The following TEF variants were observed in gnomAD, a reference collection of about 807,000 sequenced individuals.
TEF encodes TEF transcription factor, PAR bZIP family member.
A neutral mutation model predicts 20.8 loss-of-function variants in TEF; 3 were observed. That is an observed-to-expected ratio of 0.14 (90% confidence interval 0.07 to 0.37). The LOEUF is 0.37. Among genes scored for constraint, TEF ranks in the 10% least tolerant of loss-of-function variants. The probability of loss-of-function intolerance (pLI) is 1.00; values close to 1 mark genes in which losing one functional copy is unlikely to be tolerated. For synonymous variants in TEF, 180 were observed against 171.1 expected, an observed-to-expected ratio of 1.05 and a Z score of -0.41; for missense variants, 296 against 397.9, an observed-to-expected ratio of 0.74 and a Z score of 2.18.
chr22:41,382,143 G>T lies in TEF; in HGVS notation c.99G>T (p.Gly33=). 1 of 1,239,724 alleles carries T rather than the reference G, an allele frequency of 8.1e-7. No homozygotes were observed. Among genetic ancestry groups the T allele is most frequent in the African/African-American group, 1.5e-5 (1 of 64,742 alleles). The allele number at this position is 1,239,724 out of a possible 1,614,324, so 76.8% of individuals were successfully genotyped here. A position where few individuals can be genotyped will look rare whatever the true frequency, so the allele number is the denominator to read the frequency against. The change falls in exon 1 of 4, where the codon GGG becomes GGT. Residue 33 remains glycine (G), a synonymous_variant. Transcript: ENST00000266304. Reference sequence around the variant, plus strand: ...CAGCTGGGGAAAGGGGCCTGTCGGGGTCCTTCCCCCTGGTCCTGAAGAAGC... The same window carrying T: ...CAGCTGGGGAAAGGGGCCTGTCGGGTTCCTTCCCCCTGGTCCTGAAGAAGC... ...GRAAGERGLS[G]SFPLVLKKLM... is the part of the protein sequence containing the mutation.
chr22:41,369,770 C>G (rs6002355), intron 1 of TEF: 7,880 of 319,944 alleles, frequency 0.025, 622 homozygotes, highest in African/African-American at 0.17. Flanking sequence ...TGCTCTGACT[C>G]TGGGTGTGAA....
At chr22:41,381,887 C>A, upstream of TEF, 5 of 1,225,584 alleles carry the variant, frequency 4.1e-6, no homozygotes, top group East Asian at 1.3e-4. Flanking sequence ...GTGCCAGAGC[C>A]GGTCCGCAGG....
intron 1 of TEF, among the ~76,000 whole-genome samples, chr22:41,375,071 G>A (rs1221676655): frequency 2.6e-5 from 4 of 152,176 alleles, no homozygotes; most frequent in Admixed American, 1.3e-4. Context: ...TGCAGAAACC[G>A]TGGCTATCTG....
upstream of TEF, among the ~76,000 whole-genome samples, chr22:41,380,691 A>G (rs1218889867): frequency 1.3e-5 from 2 of 152,124 alleles, no homozygotes; most frequent in Admixed American, 6.5e-5. Context: ...TCTGTACTAT[A>G]AAGAGGTACA....
rs1601827994 is a variant in TEF at position 41,397,047 on chromosome 22, G to A, written c.*1087G>A. 2 of 398,866 alleles carry A rather than the reference G, an allele frequency of 5.0e-6. No individual in the cohort carries two copies. The highest frequency in any genetic ancestry group is 8.8e-6 in the Non-Finnish European group (2 of 226,302). 24.7% of individuals were successfully genotyped at this position (398,866 alleles called of 1,614,324 possible). A position where few individuals can be genotyped will look rare whatever the true frequency, so the allele number is the denominator to read the frequency against. On this transcript the variant is annotated 3_prime_UTR_variant, in exon 4 of 4. Transcript: ENST00000266304. The stretch of plus-strand genomic sequence containing the variant: ...TGCACTCTCCCTGGGGGCAGCTGGG[G>A]CCTCGCAATTCTTGCTTCAGGATCT...
upstream of TEF, among the ~76,000 whole-genome samples, chr22:41,378,537 A>G (rs1459581394): frequency 6.6e-6 from 1 of 152,000 alleles, no homozygotes; most frequent in East Asian, 1.9e-4. Context: ...TAGTAGAGAC[A>G]GGGTTTCACT....
chr22:41,378,503 A>G (rs905715411), upstream of TEF, among the ~76,000 whole-genome samples: 1 of 151,426 alleles, frequency 6.6e-6, no homozygotes, highest in Non-Finnish European at 1.5e-5. Flanking sequence ...CCGCCACCAC[A>G]CCCAGCTAAT....
chr22:41,370,009 G>A (rs918915823), intron 1 of TEF: 82 of 985,324 alleles, frequency 8.3e-5, no homozygotes, highest in Non-Finnish European at 9.5e-5. Context: ...TCCAGTGGGA[G>A]GGAAGTGTAC....
intron 1 of TEF, among the ~76,000 whole-genome samples, chr22:41,374,006 C>T (rs973236152): frequency 6.6e-6 from 1 of 152,076 alleles, no homozygotes; most frequent in African/African-American, 2.4e-5. Context: ...TCATGATCTG[C>T]CTGTCTCAGC....
Position 41,387,688 on chromosome 22 carries a change from G to A in TEF, c.475+20G>A. The A allele has an allele frequency of 6.3e-7, 1 of 1,594,620 alleles. No individual in the cohort carries two copies. Among genetic ancestry groups the A allele is most frequent in the South Asian group, 1.1e-5 (1 of 89,108 alleles). On this transcript the variant is annotated intron_variant, in intron 2 of 3. Coordinates refer to ENST00000266304, the MANE Select transcript of TEF (RefSeq NM_003216.4). ...GCACAGGTTGGTGAAAGGCCATCGA[G>A]GAGGGCCACCTGTCCCATCCAGGGA...
intron 1 of TEF, among the ~76,000 whole-genome samples, chr22:41,382,429 TGAG>T (rs2037044773): frequency 6.6e-6 from 1 of 151,654 alleles, no homozygotes; most frequent in Non-Finnish European, 1.5e-5. Context: ...GGAGAGGTTT[TGAG>T]GAGGCGGAAG....
chr22:41,389,623 A>C (rs2037142527), intron 2 of TEF, among the ~76,000 whole-genome samples: 1 of 152,048 alleles, frequency 6.6e-6, no homozygotes, highest in Non-Finnish European at 1.5e-5. Context: ...ATCTCAAAAT[A>C]AATAAATAAA....
intron 1 of TEF, among the ~76,000 whole-genome samples, chr22:41,368,143 G>A (rs1015797553): frequency 6.6e-6 from 1 of 152,192 alleles, no homozygotes; most frequent in East Asian, 1.9e-4. Flanking sequence ...CAAAACGCGC[G>A]AGGGAGGAGA....
At chr22:41,372,372 G>C (rs1188577035) in intron 1 of TEF, among the ~76,000 whole-genome samples, 1 of 152,174 alleles carries the variant, frequency 6.6e-6, no homozygotes, top group Non-Finnish European at 1.5e-5. Flanking sequence ...GCTGCTGCAG[G>C]ACGGGCTCCT....
At chr22:41,374,760 T>C (rs1276828124) in intron 1 of TEF, among the ~76,000 whole-genome samples, 1 of 151,272 alleles carries the variant, frequency 6.6e-6, no homozygotes, top group East Asian at 1.9e-4. Flanking sequence ...CTTAACTAAG[T>C]TGAAGTGGAT....
chr22:41,371,544 C>T (rs74891251), intron 1 of TEF, among the ~76,000 whole-genome samples: 6,387 of 152,302 alleles, frequency 0.042, 454 homozygotes, highest in African/African-American at 0.15. Context: ...AATATCTGTG[C>T]CATGAGCTTG....
At chr22:41,374,158 C>T (rs1292865522) in intron 1 of TEF, among the ~76,000 whole-genome samples, 2 of 152,086 alleles carry the variant, frequency 1.3e-5, no homozygotes, top group East Asian at 3.9e-4. Context: ...GTAATCCCAG[C>T]ACTTCGGGAG....
At chr22:41,386,734 ACT>A (rs892317471) in intron 1 of TEF, among the ~76,000 whole-genome samples, 11 of 151,420 alleles carry the variant, frequency 7.3e-5, no homozygotes, top group Non-Finnish European at 1.2e-4. Flanking sequence ...CAAAAGTGAA[ACT>A]CTGTCTCAAA....
intron 1 of TEF, chr22:41,367,614 G>T: frequency 6.4e-7 from 1 of 1,550,598 alleles, no homozygotes; most frequent in South Asian, 1.2e-5. Context: ...GAGCACAGGT[G>T]ACCTGCATTG....
Sources: allele counts gnomAD v4.1 joint callset (sites outside exome capture counted in the v4.1 genomes callset), GRCh38; gene constraint gnomAD v4.1.1; transcripts MANE v1.5; gene names NCBI Gene and HGNC (gene_info 2026-07-23, HGNC 2026-07-21).